Variants in CR2 observed in about 807,000 individuals in gnomAD.
CR2 encodes the protein complement C3d receptor 2.
A neutral mutation model predicts 123.0 loss-of-function variants in CR2; 96 were observed. The ratio of observed to expected loss-of-function variants is 0.78; its 90% CI spans 0.66 to 0.93. CR2 has a LOEUF of 0.93. Among genes scored for constraint, CR2 ranks in the 40% least tolerant of loss-of-function variants. The pLI, the probability that CR2 is intolerant of heterozygous loss-of-function variation, is 0.00. For synonymous variants in CR2, 484 were observed against 469.5 expected, an observed-to-expected ratio of 1.03 and a Z score of -0.40; for missense variants, 1,258 against 1,361.0, an observed-to-expected ratio of 0.92 and a Z score of 1.19.
Position 207,475,271 on chromosome 1 carries a change from G to C in CR2, c.2716+55G>C. ...GATGTTGTACAGAATAAAGAAAAGA[G>C]GTTTTGAATCTGCACTTGACATTCT... On this transcript the variant is annotated intron_variant, in intron 14 of 19. Transcript: ENST00000367057. The C allele has an allele frequency of 2.5e-6, 4 of 1,591,024 alleles. No homozygotes were observed. The South Asian group carries it at 3.4e-5, about 14-fold the overall frequency.
intron 15 of CR2, among the ~76,000 whole-genome samples, chr1:207,477,638 G>C (rs1303623681): frequency 2.0e-5 from 3 of 152,154 alleles, no homozygotes; most frequent in African/African-American, 7.2e-5. Flanking sequence ...ATCCATCACT[G>C]TTTGGATAGA....
rs1250640923 is a variant in CR2, at chr1:207,466,583, C to T, written c.116C>T (p.Thr39Ile). 7.4e-6 allele frequency: 12 copies of T among 1,613,938 alleles called. No homozygotes were observed. Among genetic ancestry groups the T allele is most frequent in the Non-Finnish European group, 8.5e-7 (1 of 1,179,954 alleles). Reference sequence around the variant, plus strand: ...AATGGCCGGATTAGTTATTATTCTACCCCCATTGCTGTTGGTACCGTGATA... The same window carrying T: ...AATGGCCGGATTAGTTATTATTCTATCCCCATTGCTGTTGGTACCGTGATA... Reference protein sequence around the residue: ...ILNGRISYYSTPIAVGTVIRY... With the variant: ...ILNGRISYYSIPIAVGTVIRY... Residue 39 changes from threonine to isoleucine, a missense_variant, in exon 2 of 20, where the codon ACC becomes ATC. Coordinates refer to ENST00000367057, the MANE Select transcript of CR2 (RefSeq NM_001006658.3).
intron 18 of CR2, 47 bp from the exon 19 acceptor site, chr1:207,485,417 T>G: frequency 8.4e-7 from 1 of 1,186,410 alleles, no homozygotes; most frequent in Non-Finnish European, 1.3e-6. Context: ...CATTGAAACA[T>G]GGTCAATGAG....
At position 207,473,787 on chromosome 1, in the gene CR2, C is replaced by T. The variant is rs899354148; in HGVS notation, c.2156-14C>T. On this transcript the variant is annotated splice_polypyrimidine_tract_variant and intron_variant, in intron 11 of 19. Coordinates refer to ENST00000367057, the MANE Select transcript of CR2 (RefSeq NM_001006658.3). ...ACATCTATAAATACTGTAATTCCAT[C>T]CTTGCTTCTCCAGAAACATGCCAGC... 9.3e-6 allele frequency: 15 copies of T among 1,613,828 alleles called. No homozygotes were observed. In the African/African-American group the frequency reaches 1.1e-4, roughly 11 times the overall value.
In CR2 at chr1:207,468,883, T is replaced by A. The variant is rs1180205998; in HGVS notation, c.718T>A (p.Phe240Ile). The A allele has an allele frequency of 6.2e-7, 1 of 1,613,884 alleles. No individual in the cohort carries two copies. Among genetic ancestry groups the A allele is most frequent in the Non-Finnish European group, 8.5e-7 (1 of 1,179,818 alleles). Residue 240 changes from phenylalanine (F) to isoleucine (I), a missense_variant, in exon 4 of 20, where the codon TTT (phenylalanine) becomes ATT (isoleucine). Phe to Ile is a conservative substitution (Grantham distance 21). Coordinates refer to ENST00000367057, the MANE Select transcript of CR2 (RefSeq NM_001006658.3). The part of the protein sequence containing the change: ...PILRVGVTAN[F>I]FCDEGYRLQG... ...TCTCCGGGTTGGTGTAACTGCAAAC[T>A]TTTTCTGTGATGAAGGGTGAGTGTC...
chr1:207,473,642 T>A lies in CR2; in HGVS notation c.2076T>A (p.Pro692=), dbSNP rs199971435. The A allele has an allele frequency of 1.5e-5, 25 of 1,614,080 alleles. No individual in the cohort carries two copies. The South Asian group carries it at 2.6e-4, about 17-fold the overall frequency. ...SGMTVDYTCD[P]GYLLVGNKSI... ...TGACTGTAGACTACACTTGTGACCC[T>A]GGCTATTTGCTTGTGGGAAACAAAT... is the stretch of plus-strand genomic sequence containing the variant. Residue 692 remains proline, a synonymous_variant, in exon 11 of 20, where the codon CCT becomes CCA. Transcript: ENST00000367057.
At chr1:207,465,914 A>G (rs1172755300) in intron 1 of CR2, among the ~76,000 whole-genome samples, 2 of 152,264 alleles carry the variant, frequency 1.3e-5, no homozygotes, top group Non-Finnish European at 2.9e-5. Context: ...CTTCAGCAGC[A>G]GGACCAAAAG....
chr1:207,469,556 T>A (rs1318743484), intron 5 of CR2, 139 bp from the exon 6 acceptor site: 4 of 782,678 alleles, frequency 5.1e-6, no homozygotes, highest in Non-Finnish European at 8.7e-6. Flanking sequence ...TTCTAAATTA[T>A]GTTGCTTTAG....
Position 207,472,858 on chromosome 1 carries a change from A to T in CR2, c.1657A>T (p.Thr553Ser), listed in dbSNP as rs1282362435. The T allele has an allele frequency of 2.5e-5, 40 of 1,613,956 alleles. No homozygotes were observed. Among genetic ancestry groups the T allele is most frequent in the Non-Finnish European group, 3.4e-5 (40 of 1,179,972 alleles). Reference protein sequence around the residue: ...LEDFPYGTTVTYTCNPGPERG... With the variant: ...LEDFPYGTTVSYTCNPGPERG... The stretch of plus-strand genomic sequence containing the variant: ...AGATTTTCCATATGGAACCACGGTC[A>T]CTTACACATGTAACCCTGGGCCAGA... The change falls in exon 10 of 20, where the codon ACT (threonine) becomes TCT (serine). Residue 553 changes from threonine to serine, a missense_variant. Transcript: ENST00000367057.
In CR2 at chr1:207,466,886, C is replaced by T. The variant is rs563764676; in HGVS notation, c.419C>T (p.Pro140Leu). 96 of 1,602,826 alleles carry T rather than the reference C, an allele frequency of 6.0e-5. No individual in the cohort carries two copies. The highest frequency in any genetic ancestry group is 2.2e-4 in the South Asian group (20 of 89,258). The change falls in exon 2 of 20, where the codon CCG becomes CTG. Residue 140 changes from proline to leucine, a missense_variant. Physicochemically the swap from Pro to Leu is moderately conservative, Grantham distance 98. Coordinates refer to ENST00000367057, the MANE Select transcript of CR2 (RefSeq NM_001006658.3). ...TGTCAAGCAAATAATATGTGGGGGC[C>T]GACACGACTACCAACCTGTGTAAGT... Reference protein sequence around the residue: ...VWCQANNMWGPTRLPTCVSVF... With the variant: ...VWCQANNMWGLTRLPTCVSVF...
intron 1 of CR2, among the ~76,000 whole-genome samples, chr1:207,460,020 A>G (rs909468703): frequency 2.6e-5 from 4 of 152,190 alleles, no homozygotes; most frequent in Non-Finnish European, 4.4e-5. Flanking sequence ...TCTTCATTCC[A>G]TCTTCGTCCA....
At chr1:207,488,618 A>C (rs989170836) in intron 19 of CR2, among the ~76,000 whole-genome samples, 1 of 152,174 alleles carries the variant, frequency 6.6e-6, no homozygotes, top group African/African-American at 2.4e-5. Flanking sequence ...GCGAGACTCC[A>C]TCTCAAAATA....
At chr1:207,462,899 A>G (rs1658001384) in intron 1 of CR2, among the ~76,000 whole-genome samples, 1 of 152,252 alleles carries the variant, frequency 6.6e-6, no homozygotes, top group Non-Finnish European at 1.5e-5. Flanking sequence ...GACCACAAAT[A>G]AAGTTGGCAT....
At chr1:207,472,048 G>C in intron 9 of CR2, 1 of 177,262 alleles carries the variant, frequency 5.6e-6, no homozygotes, top group South Asian at 1.3e-4. Flanking sequence ...AGGAGATCAA[G>C]ACCATCCTGG....
In CR2 at chr1:207,475,187, T is replaced by C. The variant is rs1406696743; in HGVS notation, c.2687T>C (p.Val896Ala). 6.2e-7 allele frequency: 1 copy of C among 1,613,912 alleles called. No individual in the cohort carries two copies. Among genetic ancestry groups the C allele is most frequent in the Non-Finnish European group, 8.5e-7 (1 of 1,179,930 alleles). Residue 896 changes from valine to alanine, a missense_variant, in exon 14 of 20, where the codon GTG becomes GCG. By Grantham distance (64) the Val-to-Ala change is moderately conservative. Transcript: ENST00000367057. ...VIRCHTDNTW[V>A]PGVPTCIKKA... ...AGGTGTCATACTGATAACACATGGG[T>C]GCCAGGTGTGCCAACTTGTATCAAA...
In CR2 at chr1:207,469,851, G is replaced by A. The variant is rs933876324; in HGVS notation, c.974G>A (p.Cys325Tyr). 6.2e-7 allele frequency: 1 copy of A among 1,614,008 alleles called. No homozygotes were observed. The highest frequency in any genetic ancestry group is 8.5e-7 in the Non-Finnish European group (1 of 1,179,952). ...FILIGESTLR[C>Y]TVDSQKTGTW... is the part of the protein sequence containing the mutation. ...CTTATTGGAGAGAGCACTCTCCGTT[G>A]TACAGTTGATAGTCAGAAGACTGGG... Residue 325 changes from cysteine to tyrosine, a missense_variant, in exon 6 of 20, where the codon TGT becomes TAT. Cys to Tyr is a radical substitution (Grantham distance 194, BLOSUM62 -2). Coordinates refer to ENST00000367057, the MANE Select transcript of CR2 (RefSeq NM_001006658.3).
chr1:207,471,547 C>G (rs756436289), intron 9 of CR2, 48 bp downstream of exon 9: 1 of 1,327,158 alleles, frequency 7.5e-7, no homozygotes, highest in South Asian at 1.2e-5. Context: ...GAGATCTATA[C>G]ATTTCCTGGG....
chr1:207,463,746 T>C (rs1369974517), intron 1 of CR2, among the ~76,000 whole-genome samples: 1 of 152,240 alleles, frequency 6.6e-6, no homozygotes, highest in African/African-American at 2.4e-5. Context: ...TTTAGATATC[T>C]ACTCTTTGGT....
At position 207,466,829 on chromosome 1, in the gene CR2, A is replaced by G; in HGVS notation, c.362A>G (p.Asn121Ser). 1 of 1,613,322 alleles carries G rather than the reference A, an allele frequency of 6.2e-7. No individual in the cohort carries two copies. The highest frequency in any genetic ancestry group is 8.5e-7 in the Non-Finnish European group (1 of 1,179,788). ...GDSVTFACKT[N>S]FSMNGNKSVW... is the part of the protein sequence containing the mutation. Reference sequence around the variant, plus strand: ...TCTGTGACATTTGCCTGTAAAACCAACTTCTCCATGAACGGAAACAAGTCT... The same window carrying G: ...TCTGTGACATTTGCCTGTAAAACCAGCTTCTCCATGAACGGAAACAAGTCT... The change falls in exon 2 of 20, where the codon AAC (asparagine) becomes AGC (serine). Residue 121 changes from asparagine to serine, a missense_variant. Transcript: ENST00000367057.
Sources: gnomAD v4.1 joint callset for allele counts (sites outside exome capture counted in the v4.1 genomes callset) on GRCh38, gnomAD v4.1.1 for gene constraint, MANE v1.5 for transcripts, NCBI Gene and HGNC (gene_info 2026-07-23, HGNC 2026-07-21) for gene names.